The following FBXW8 variants were observed in gnomAD, a reference collection of about 807,000 sequenced individuals.
FBXW8 encodes F-box and WD repeat domain containing 8, also known as F-box/WD repeat-containing protein 8.
A neutral mutation model predicts 65.3 loss-of-function variants in FBXW8; 57 were observed. The ratio of observed to expected loss-of-function variants is 0.87; its 90% CI spans 0.71 to 1.09. The LOEUF is 1.09. FBXW8 is among the 50% of genes least tolerant of loss of function. FBXW8 has a pLI of 0.00. For missense variants in FBXW8, 777 were observed against 814.8 expected (o/e 0.95, Z 0.57); for synonymous variants, 308 against 330.2 (o/e 0.93, Z 0.73).
chr12:116,970,926 C>T (rs747935406), intron 5 of FBXW8, among the ~76,000 whole-genome samples: 5 of 152,078 alleles, frequency 3.3e-5, no homozygotes, highest in Non-Finnish European at 7.4e-5. Context: ...TCTTCATATT[C>T]AGACACTTTG....
intron 2 of FBXW8, among the ~76,000 whole-genome samples, chr12:116,929,046 T>C (rs1881563248): frequency 6.6e-6 from 1 of 152,202 alleles, no homozygotes; most frequent in Non-Finnish European, 1.5e-5. Context: ...TCTCAGGTGA[T>C]CTGCCCGCCT....
At chr12:116,914,425 T>C (rs929613191) in intron 1 of FBXW8, among the ~76,000 whole-genome samples, 3 of 149,834 alleles carry the variant, frequency 2.0e-5, no homozygotes, top group Admixed American at 6.7e-5. Context: ...TCTACAAAAA[T>C]TGGCCAGCGT....
chr12:117,021,297 G>A (rs1393772824), intron 8 of FBXW8, among the ~76,000 whole-genome samples: 2 of 152,110 alleles, frequency 1.3e-5, no homozygotes, highest in Admixed American at 6.5e-5. Flanking sequence ...CTTTTCTGTC[G>A]ATTTAATAAT....
At chr12:116,968,148 T>C (rs1884440550) in intron 5 of FBXW8, among the ~76,000 whole-genome samples, 1 of 152,222 alleles carries the variant, frequency 6.6e-6, no homozygotes. Flanking sequence ...AATCTAAAAG[T>C]GAGTGGGGTT....
intron 8 of FBXW8, among the ~76,000 whole-genome samples, chr12:117,017,965 G>A (rs1953997279): frequency 6.6e-6 from 1 of 152,216 alleles, no homozygotes; most frequent in African/African-American, 2.4e-5. Context: ...GCTGCCTGCT[G>A]TTAGAGAGAG....
intron 1 of FBXW8, among the ~76,000 whole-genome samples, chr12:116,924,281 G>T (rs947258158): frequency 6.8e-6 from 1 of 147,432 alleles, no homozygotes; most frequent in African/African-American, 2.7e-5. Context: ...AACACTGATA[G>T]CATCTTTATT....
chr12:116,911,372 T>TGCCC lies in FBXW8; in HGVS notation c.318+17_318+18insGCCC. The TGCCC allele has an allele frequency of 8.1e-7, 1 of 1,237,222 alleles. No individual in the cohort carries two copies. Among genetic ancestry groups the TGCCC allele is most frequent in the Non-Finnish European group, 1.0e-6 (1 of 988,492 alleles). The allele number at this position is 1,237,222 out of a possible 1,614,324, so 76.6% of individuals were successfully genotyped here. On this transcript the variant is annotated intron_variant, in intron 1 of 10. Coordinates refer to ENST00000652555, the MANE Select transcript of FBXW8 (RefSeq NM_153348.3). The stretch of plus-strand genomic sequence containing the variant: ...CGCGACCTGGTGAGTGGCCGTCGCC[T>TGCCC]CCCCCCCGCCCATGCCTGCGCCGGC...
At chr12:116,964,006 T>C (rs1884153665) in intron 4 of FBXW8, among the ~76,000 whole-genome samples, 1 of 152,196 alleles carries the variant, frequency 6.6e-6, no homozygotes, top group African/African-American at 2.4e-5. Flanking sequence ...TCTGAGTAGG[T>C]TCGGCCTGGC....
At chr12:117,020,509 C>T (rs1954069343) in intron 8 of FBXW8, among the ~76,000 whole-genome samples, 1 of 152,172 alleles carries the variant, frequency 6.6e-6, no homozygotes, top group African/African-American at 2.4e-5. Context: ...TCTCTTATAC[C>T]CCCATTCGCA....
rs1271792153 is a variant in FBXW8 at position 117,029,591 on chromosome 12, T to C, written c.*1419T>C. ...AGTGGAATCGAAAACCAATAGTTAG[T>C]TAATATAAAGCCAGAAGGTTTTGTT... On this transcript the variant is annotated 3_prime_UTR_variant, in exon 11 of 11. Coordinates refer to ENST00000652555, the MANE Select transcript of FBXW8 (RefSeq NM_153348.3). 1 of 152,062 alleles carries C rather than the reference T, an allele frequency of 6.6e-6. No individual in the cohort carries two copies. The highest frequency in any genetic ancestry group is 2.4e-5 in the African/African-American group (1 of 41,396). 9.4% of individuals were successfully genotyped at this position (152,062 alleles called of 1,614,324 possible).
chr12:116,949,742 T>G (rs764615831), intron 4 of FBXW8, 36 bp downstream of exon 4: 1 of 1,593,322 alleles, frequency 6.3e-7, no homozygotes, highest in Non-Finnish European at 8.6e-7. Context: ...GCTCTGCATC[T>G]GAAGGTCTTT....
In FBXW8 at chr12:116,911,119, C is replaced by T; in HGVS notation, c.82C>T (p.Arg28Trp). 7 of 1,375,096 alleles carry T rather than the reference C, an allele frequency of 5.1e-6. No homozygotes were observed. Among genetic ancestry groups the T allele is most frequent in the Non-Finnish European group, 5.6e-6 (6 of 1,075,168 alleles). 85.2% of individuals were successfully genotyped at this position (1,375,096 alleles called of 1,614,324 possible). Residue 28 changes from arginine (R) to tryptophan (W), a missense_variant, in exon 1 of 11, where the codon CGG (arginine) becomes TGG (tryptophan). Transcript: ENST00000652555. Reference protein sequence around the residue: ...AQAQAPKKRRRPEAAERRARR... With the variant: ...AQAQAPKKRRWPEAAERRARR... ...GGCCCAGGCGCCGAAGAAGCGGCGA[C>T]GGCCCGAGGCTGCCGAGAGGCGGGC...
chr12:116,992,718 C>T (rs1953273238), intron 7 of FBXW8, among the ~76,000 whole-genome samples: 1 of 151,038 alleles, frequency 6.6e-6, no homozygotes, highest in Non-Finnish European at 1.5e-5. Flanking sequence ...CAAGTTGCTA[C>T]AAAGGACATT....
Position 116,911,237 on chromosome 12 carries a change from C to A in FBXW8, c.200C>A (p.Pro67Gln), listed in dbSNP as rs1035615463. The change falls in exon 1 of 11, where the codon CCG (proline) becomes CAG (glutamine). Residue 67 changes from proline (P) to glutamine (Q), a missense_variant. By Grantham distance (76) the Pro-to-Gln change is moderately conservative (BLOSUM62 -1). Transcript: ENST00000652555. Reference protein sequence around the residue: ...QRLLEGAGRPPAARATRAEGQ... With the variant: ...QRLLEGAGRPQAARATRAEGQ... Reference sequence around the variant, plus strand: ...CTCCTGGAGGGCGCGGGGAGGCCCCCGGCGGCGCGGGCGACTCGGGCCGAG... The same window carrying A: ...CTCCTGGAGGGCGCGGGGAGGCCCCAGGCGGCGCGGGCGACTCGGGCCGAG... 1 of 1,239,484 alleles carries A rather than the reference C, an allele frequency of 8.1e-7. No homozygotes were observed. Among genetic ancestry groups the A allele is most frequent in the East Asian group, 3.2e-5 (1 of 31,448 alleles). 76.8% of individuals were successfully genotyped at this position (1,239,484 alleles called of 1,614,324 possible). A position where few individuals can be genotyped will look rare whatever the true frequency, so the allele number is the denominator to read the frequency against.
chr12:117,010,319 T>C lies in FBXW8; in HGVS notation c.1240-4T>C. 6.2e-7 allele frequency: 1 copy of C among 1,614,202 alleles called. No individual in the cohort carries two copies. The highest frequency in any genetic ancestry group is 8.5e-7 in the Non-Finnish European group (1 of 1,180,026). On this transcript the variant is annotated splice_region_variant and splice_polypyrimidine_tract_variant and intron_variant, in intron 7 of 10. Transcript: ENST00000652555. ...GGGCCCACACATTTCTCTTCCTCTC[T>C]CAGATCCTGGTGTATAGCCTGGAAG... is the stretch of plus-strand genomic sequence containing the variant.
At chr12:116,928,775 A>G (rs1290305196) in intron 2 of FBXW8, among the ~76,000 whole-genome samples, 1 of 152,110 alleles carries the variant, frequency 6.6e-6, no homozygotes, top group Non-Finnish European at 1.5e-5. Context: ...TAAAATGCAG[A>G]TTCAGATTCA....
chr12:117,017,871 G>A (rs1362867938), intron 8 of FBXW8, among the ~76,000 whole-genome samples: 1 of 152,096 alleles, frequency 6.6e-6, no homozygotes, highest in African/African-American at 2.4e-5. Context: ...AGCACGCCCT[G>A]AGTTGTGACC....
chr12:116,964,660 A>G (rs151041162), intron 4 of FBXW8, 37 bp from the exon 5 acceptor site: 131 of 1,612,122 alleles, frequency 8.1e-5, no homozygotes, highest in East Asian at 4.0e-4. Context: ...CTGCTCTTCA[A>G]TCTCCTTTTG....
At chr12:117,022,992 A>AT (rs1191722841) in intron 8 of FBXW8, among the ~76,000 whole-genome samples, 3 of 152,104 alleles carry the variant, frequency 2.0e-5, no homozygotes, top group African/African-American at 7.2e-5. Context: ...TTGTTCTGGT[A>AT]TTTTGCTATG....
Sources: allele counts gnomAD v4.1 joint callset (sites outside exome capture counted in the v4.1 genomes callset), GRCh38; gene constraint gnomAD v4.1.1; transcripts MANE v1.5; gene names NCBI Gene and HGNC (gene_info 2026-07-23, HGNC 2026-07-21).